GC: variants seen among roughly 807,000 people sequenced by gnomAD.
GC encodes the protein vitamin D-binding protein.
A neutral mutation model predicts 56.7 loss-of-function variants in GC; 43 were observed. The observed-to-expected ratio is 0.76, with a 90% CI of 0.59 to 0.98. The LOEUF (loss-of-function observed/expected upper bound fraction) is 0.98. GC is among the 50% of genes least tolerant of loss of function. The pLI, the probability that GC is intolerant of heterozygous loss-of-function variation, is 0.00. For synonymous variants in GC, 216 were observed against 202.7 expected (o/e 1.07, Z -0.56); for missense variants, 529 against 545.9 (o/e 0.97, Z 0.31).
chr4:71,778,811 G>A (rs183659555), intron 1 of GC, among the ~76,000 whole-genome samples: 1 of 151,668 alleles, frequency 6.6e-6, no homozygotes, highest in African/African-American at 2.4e-5. Context: ...CTGGCAAGTT[G>A]CTTATCCTCT....
intron 6 of GC, among the ~76,000 whole-genome samples, chr4:71,760,194 C>T (rs1472674333): frequency 6.6e-6 from 1 of 151,610 alleles, no homozygotes; most frequent in African/African-American, 2.4e-5. Context: ...TAGGCGCCCA[C>T]CACCATGCCT....
chr4:71,802,748 A>G lies in GC; in HGVS notation c.21+1178T>C, dbSNP rs1056955882. ...TTGATTGGATAGCTGTCAAATTGCT[A>G]CCTCATTCAGTGAAACAATCATCTG... On this transcript the variant is annotated intron_variant, in intron 1 of 13. Transcript: ENST00000504199. Among the ~76,000 whole-genome samples the G allele has an allele frequency of 3.3e-5, 5 of 152,218 alleles. No individual in the cohort carries two copies. In the East Asian group the frequency reaches 7.7e-4, roughly 23 times the overall value.
chr4:71,790,753 TTTTAA>T (rs924260523), intron 1 of GC, among the ~76,000 whole-genome samples: 113 of 151,796 alleles, frequency 7.4e-4, no homozygotes, highest in African/African-American at 2.6e-3. Context: ...ACTTTCTTTT[TTTTAA>T]TTTAATTTAA....
In GC at chr4:71,746,158, A is replaced by T; in HGVS notation, c.*18T>A. The T allele has an allele frequency of 8.2e-7, 1 of 1,212,668 alleles. No individual in the cohort carries two copies. Among genetic ancestry groups the T allele is most frequent in the Non-Finnish European group, 1.2e-6 (1 of 819,682 alleles). The allele number at this position is 1,212,668 out of a possible 1,614,324, so 75.1% of individuals were successfully genotyped here. On this transcript the variant is annotated 3_prime_UTR_variant, in exon 12 of 13. Transcript: ENST00000273951. ...TTTATAAAATATACTTACCAAAGTT[A>T]ATAAACATGCTTCAGGACTACAGGA...
At chr4:71,796,704 T>C (rs1326401051) in intron 1 of GC, among the ~76,000 whole-genome samples, 1 of 152,224 alleles carries the variant, frequency 6.6e-6, no homozygotes, top group African/African-American at 2.4e-5. Context: ...CTTTTTTCCG[T>C]TGCTGGCGAG....
chr4:71,796,449 C>T (rs142971381), intron 1 of GC, among the ~76,000 whole-genome samples: 56 of 152,250 alleles, frequency 3.7e-4, no homozygotes, highest in Non-Finnish European at 5.9e-4. Flanking sequence ...TCCATTTGAT[C>T]GAATCAGCCA....
intron 10 of GC, among the ~76,000 whole-genome samples, chr4:71,752,855 T>C (rs538754131): frequency 6.6e-6 from 1 of 152,258 alleles, no homozygotes; most frequent in East Asian, 1.9e-4. Context: ...ATCATAAAAA[T>C]AAACATACAA....
chr4:71,772,203 T>C (rs754888744), intron 1 of GC, among the ~76,000 whole-genome samples: 8 of 152,174 alleles, frequency 5.3e-5, no homozygotes, highest in Non-Finnish European at 7.4e-5. Flanking sequence ...AGGAATATTT[T>C]TTCCCAAGGC....
intron 1 of GC, among the ~76,000 whole-genome samples, chr4:71,790,832 T>A (rs1396374938): frequency 6.6e-6 from 1 of 151,920 alleles, no homozygotes; most frequent in Non-Finnish European, 1.5e-5. Flanking sequence ...TAGTTACGTA[T>A]GTATACATGT....
intron 4 of GC, 79 bp from the exon 5 acceptor site, chr4:71,764,015 C>T: frequency 9.0e-7 from 1 of 1,113,066 alleles, no homozygotes; most frequent in Non-Finnish European, 1.4e-6. Flanking sequence ...CAGTGTCTTG[C>T]CCTGTCATCT....
chr4:71,780,624 C>CTGATG (rs1560708347), intron 1 of GC, among the ~76,000 whole-genome samples: 7 of 151,992 alleles, frequency 4.6e-5, no homozygotes, highest in Non-Finnish European at 1.0e-4. Context: ...CCAAAAAACA[C>CTGATG]ATGAAAAAAA....
At chr4:71,775,875 T>C (rs1244137921) in intron 1 of GC, among the ~76,000 whole-genome samples, 1 of 151,916 alleles carries the variant, frequency 6.6e-6, no homozygotes, top group African/African-American at 2.4e-5. Context: ...GAAGAAAACA[T>C]ACAAATGGCC....
chr4:71,771,085 A>G (rs1002221406), intron 1 of GC, among the ~76,000 whole-genome samples: 36 of 152,204 alleles, frequency 2.4e-4, no homozygotes, highest in African/African-American at 8.7e-4. Context: ...TAGGAAGTAT[A>G]TAAATTGCTT....
intron 3 of GC, among the ~76,000 whole-genome samples, chr4:71,765,903 A>G (rs1742139414): frequency 6.6e-6 from 1 of 152,148 alleles, no homozygotes; most frequent in South Asian, 2.1e-4. Context: ...GACAGTGTTT[A>G]TCTGATTAGA....
intron 1 of GC, among the ~76,000 whole-genome samples, chr4:71,772,073 G>A (rs1742361468): frequency 6.6e-6 from 1 of 152,112 alleles, no homozygotes; most frequent in African/African-American, 2.4e-5. Flanking sequence ...TATCAAAATA[G>A]ATTTAAATAA....
chr4:71,756,403 G>A (rs1436778429), intron 8 of GC, among the ~76,000 whole-genome samples: 1 of 152,156 alleles, frequency 6.6e-6, no homozygotes, highest in Admixed American at 6.5e-5. Context: ...ATTAACAATA[G>A]GCTGAAGTTC....
chr4:71,759,624 G>A (rs759987860), intron 6 of GC: 1 of 152,152 alleles, frequency 6.6e-6, no homozygotes, highest in Non-Finnish European at 1.5e-5. Context: ...GACTTGATTT[G>A]CATGTATCTT....
intron 1 of GC, among the ~76,000 whole-genome samples, chr4:71,795,543 T>TAC (rs1166868647): frequency 1.3e-5 from 2 of 152,246 alleles, no homozygotes; most frequent in East Asian, 3.8e-4. Flanking sequence ...TTTGAGCCAA[T>TAC]GTGTGTCTCT....
intron 1 of GC, among the ~76,000 whole-genome samples, chr4:71,775,774 C>T (rs566680481): frequency 6.6e-6 from 1 of 152,060 alleles, no homozygotes; most frequent in South Asian, 2.1e-4. Flanking sequence ...GGTTAATATA[C>T]AAAATATGTA....
Sources: allele counts gnomAD v4.1 joint callset (sites outside exome capture counted in the v4.1 genomes callset), GRCh38; gene constraint gnomAD v4.1.1; transcripts MANE v1.5; gene names NCBI Gene and HGNC (gene_info 2026-07-23, HGNC 2026-07-21).